Variants in NDUFAF2 observed in about 807,000 individuals in gnomAD.
NDUFAF2 encodes the protein NADH dehydrogenase [ubiquinone] 1 alpha subcomplex assembly factor 2.
Under a neutral mutation model 22.8 loss-of-function variants are expected in NDUFAF2, and 13 were observed. The ratio of observed to expected loss-of-function variants is 0.57; its 90% CI spans 0.37 to 0.91. The LOEUF is 0.91. Among genes scored for constraint, NDUFAF2 ranks in the 40% least tolerant of loss-of-function variants. The pLI is 0.01. For missense variants in NDUFAF2, 162 were observed against 195.2 expected (o/e 0.83, Z 1.01); for synonymous variants, 53 against 64.2 (o/e 0.83, Z 0.84).
intron 1 of NDUFAF2, among the ~76,000 whole-genome samples, chr5:61,054,452 G>A (rs529822542): frequency 6.6e-6 from 1 of 152,264 alleles, no homozygotes; most frequent in South Asian, 2.1e-4. Flanking sequence ...GGAGCCAATA[G>A]AATAGTCCTG....
At chr5:60,985,442 G>T (rs1310815557) in intron 1 of NDUFAF2, among the ~76,000 whole-genome samples, 1 of 151,998 alleles carries the variant, frequency 6.6e-6, no homozygotes, top group Non-Finnish European at 1.5e-5. Context: ...GCTAGCTTTT[G>T]AATGTGTTTG....
At chr5:61,002,735 A>T (rs192823110) in intron 1 of NDUFAF2, among the ~76,000 whole-genome samples, 22 of 152,128 alleles carry the variant, frequency 1.4e-4, no homozygotes, top group African/African-American at 5.1e-4. Context: ...TTCTTGTGGG[A>T]GGGGGTTTGA....
chr5:61,090,647 GA>G (rs925738461), intron 2 of NDUFAF2, among the ~76,000 whole-genome samples: 10 of 151,622 alleles, frequency 6.6e-5, no homozygotes, highest in South Asian at 2.1e-4. Context: ...CTGTTTTCTA[GA>G]AAAAAAATCA....
chr5:61,083,665 AC>A, intron 2 of NDUFAF2, among the ~76,000 whole-genome samples: 1 of 151,540 alleles, frequency 6.6e-6, no homozygotes, highest in Admixed American at 6.6e-5. Flanking sequence ...GGTGTGAGCC[AC>A]CCCTCCGGCC....
chr5:61,145,964 C>T (rs1173754961), intron 3 of NDUFAF2: 2 of 152,122 alleles, frequency 1.3e-5, no homozygotes, highest in Non-Finnish European at 2.9e-5. Flanking sequence ...TTCAGGTGGA[C>T]AAGAAGGCCA....
intron 1 of NDUFAF2, among the ~76,000 whole-genome samples, chr5:60,971,319 G>T (rs1750825619): frequency 6.7e-6 from 1 of 150,024 alleles, no homozygotes; most frequent in African/African-American, 2.5e-5. Flanking sequence ...ACAGAGTCTG[G>T]CTCTTTCGCC....
chr5:61,061,616 G>A (rs1268333506), intron 1 of NDUFAF2, among the ~76,000 whole-genome samples: 1 of 152,202 alleles, frequency 6.6e-6, no homozygotes, highest in East Asian at 1.9e-4. Flanking sequence ...CCATGGCTTA[G>A]TGAGAGAATT....
chr5:61,141,338 A>G (rs1741054479), intron 3 of NDUFAF2, among the ~76,000 whole-genome samples: 1 of 152,064 alleles, frequency 6.6e-6, no homozygotes, highest in Non-Finnish European at 1.5e-5. Flanking sequence ...ATCATATTAT[A>G]ATTTAATTTT....
intron 1 of NDUFAF2, among the ~76,000 whole-genome samples, chr5:61,068,489 A>G (rs1312373473): frequency 6.6e-6 from 1 of 152,166 alleles, no homozygotes; most frequent in African/African-American, 2.4e-5. Context: ...TACAATTTTA[A>G]TCTCATAAAT....
chr5:61,128,991 G>A (rs1753073061), intron 3 of NDUFAF2, among the ~76,000 whole-genome samples: 1 of 152,188 alleles, frequency 6.6e-6, no homozygotes, highest in South Asian at 2.1e-4. Context: ...CAAAGTATAT[G>A]AACAGACACT....
chr5:61,060,917 TA>T (rs1752157783), intron 1 of NDUFAF2, among the ~76,000 whole-genome samples: 1 of 152,158 alleles, frequency 6.6e-6, no homozygotes, highest in African/African-American at 2.4e-5. Flanking sequence ...ATGTAAAGAT[TA>T]AAGGCTGCCC....
intron 1 of NDUFAF2, among the ~76,000 whole-genome samples, chr5:61,025,376 T>G (rs1378639763): frequency 6.6e-6 from 1 of 152,130 alleles, no homozygotes; most frequent in East Asian, 1.9e-4. Context: ...ATTTTGTTAG[T>G]AATATTAATA....
chr5:61,052,074 A>G (rs1438881200), intron 1 of NDUFAF2, among the ~76,000 whole-genome samples: 1 of 152,096 alleles, frequency 6.6e-6, no homozygotes, highest in African/African-American at 2.4e-5. Flanking sequence ...ATTTTAAAAA[A>G]ATCAAGCAAT....
chr5:61,138,700 AGGGGTCAGGGAAACACT>A (rs994724984), intron 3 of NDUFAF2, among the ~76,000 whole-genome samples: 1 of 152,202 alleles, frequency 6.6e-6, no homozygotes, highest in Non-Finnish European at 1.5e-5. Context: ...CAAACCTTCT[AGGGGTCAGGGAAACACT>A]GTAGTCAGGC....
chr5:60,979,898 C>G (rs1188900878), intron 1 of NDUFAF2, among the ~76,000 whole-genome samples: 1 of 152,144 alleles, frequency 6.6e-6, no homozygotes, highest in Non-Finnish European at 1.5e-5. Flanking sequence ...TAATCCAAAG[C>G]AATACAACTA....
At chr5:61,052,672 TAAGTAGACACTAATGTAATGAAC>T (rs1752040037) in intron 1 of NDUFAF2, among the ~76,000 whole-genome samples, 1 of 152,236 alleles carries the variant, frequency 6.6e-6, no homozygotes, top group African/African-American at 2.4e-5. Context: ...ATGGTTTTTA[TAAGTAGACACTAATGTAATGAAC>T]AAGTATTCTT....
chr5:60,947,427 T>C (rs1368755451), intron 1 of NDUFAF2, among the ~76,000 whole-genome samples: 1 of 152,180 alleles, frequency 6.6e-6, no homozygotes, highest in Non-Finnish European at 1.5e-5. Context: ...ATTTACTATC[T>C]ACAGATCTTC....
Position 60,988,567 on chromosome 5 carries a change from G to C in NDUFAF2, c.127+43185G>C, listed in dbSNP as rs761022564. Among the ~76,000 whole-genome samples the C allele has an allele frequency of 3.1e-4, 47 of 152,198 alleles. No homozygotes were observed. The Middle Eastern group carries it at 0.01, about 33-fold the overall frequency. ...GTAGTAACCAAAACAGTATGGTACT[G>C]GTACAAAAACAGGCACATAAACCAA... On this transcript the variant is annotated intron_variant, in intron 1 of 3. Coordinates refer to ENST00000296597, the MANE Select transcript of NDUFAF2 (RefSeq NM_174889.5).
intron 2 of NDUFAF2, among the ~76,000 whole-genome samples, chr5:61,092,886 A>T (rs190013715): frequency 6.6e-6 from 1 of 152,132 alleles, no homozygotes; most frequent in East Asian, 1.9e-4. Context: ...GAATTGACTC[A>T]CACGATCACA....
Sources: gnomAD v4.1 joint callset for allele counts (sites outside exome capture counted in the v4.1 genomes callset) on GRCh38, gnomAD v4.1.1 for gene constraint, MANE v1.5 for transcripts, NCBI Gene and HGNC (gene_info 2026-07-23, HGNC 2026-07-21) for gene names.